MAP3K5: variants seen among roughly 807,000 people sequenced by gnomAD.
MAP3K5 encodes the protein ASK-1.
In MAP3K5, 56 loss-of-function variants were observed where a neutral mutation model predicts 158.7. The ratio of observed to expected loss-of-function variants is 0.35; its 90% CI spans 0.28 to 0.44. The LOEUF is 0.44. Among genes scored for constraint, MAP3K5 ranks in the 20% least tolerant of loss-of-function variants. The pLI is 1.00. For synonymous variants in MAP3K5, 579 were observed against 601.7 expected, an observed-to-expected ratio of 0.96 and a Z score of 0.55; for missense variants, 1,294 against 1,674.8, an observed-to-expected ratio of 0.77 and a Z score of 3.97.
intron 1 of MAP3K5, among the ~76,000 whole-genome samples, chr6:136,721,132 A>T (rs917895613): frequency 2.6e-5 from 4 of 152,044 alleles, no homozygotes; most frequent in Admixed American, 6.6e-5. Flanking sequence ...CTGGAAACCG[A>T]GGAGAATTTG....
At chr6:136,610,355 T>C (rs1776277525) in intron 18 of MAP3K5, among the ~76,000 whole-genome samples, 1 of 152,074 alleles carries the variant, frequency 6.6e-6, no homozygotes. Flanking sequence ...TCCCAGTACT[T>C]TGCACCAGAG....
chr6:136,766,801 C>T (rs1244247300), intron 1 of MAP3K5, among the ~76,000 whole-genome samples: 4 of 152,164 alleles, frequency 2.6e-5, no homozygotes, highest in African/African-American at 7.2e-5. Context: ...GATATATTCA[C>T]AGATAGGAAT....
chr6:136,567,690 G>T lies in MAP3K5; in HGVS notation c.3702C>A (p.Ser1234=), dbSNP rs375660358. Residue 1234 remains serine, a synonymous_variant, in exon 26 of 30, where the codon TCC becomes TCA. Transcript: ENST00000359015. ...CATTCAGTGACCGGTGAGCACTCTG[G>T]GAATCATGAGACACAGTAGAACTGA... is the stretch of plus-strand genomic sequence containing the variant. ...STLSSTVSHD[S]QSAHRSLNVQ... 67 of 1,613,972 alleles carry T rather than the reference G, an allele frequency of 4.2e-5. No homozygotes were observed. The highest frequency in any genetic ancestry group is 5.4e-5 in the Non-Finnish European group (64 of 1,180,014).
intron 12 of MAP3K5, among the ~76,000 whole-genome samples, chr6:136,640,968 C>CACA (rs1244179796): frequency 1.2e-4 from 19 of 152,156 alleles, no homozygotes; most frequent in African/African-American, 4.6e-4. Flanking sequence ...AGTCATAAAT[C>CACA]ACAACAACTG....
chr6:136,732,424 CAAACA>C (rs560796429), intron 1 of MAP3K5, among the ~76,000 whole-genome samples: 36 of 152,040 alleles, frequency 2.4e-4, no homozygotes, highest in African/African-American at 7.7e-4. Context: ...GGCTCCGTCT[CAAACA>C]AAACAAAACA....
chr6:136,568,985 C>T (rs1028724933), intron 25 of MAP3K5, among the ~76,000 whole-genome samples: 15 of 150,070 alleles, frequency 1.0e-4, no homozygotes, highest in African/African-American at 3.7e-4. Context: ...CCTGAAAAAA[C>T]TAGTTCAGGC....
chr6:136,650,145 C>T (rs1365184151), intron 11 of MAP3K5, among the ~76,000 whole-genome samples: 5 of 152,156 alleles, frequency 3.3e-5, no homozygotes, highest in South Asian at 2.1e-4. Flanking sequence ...GGTCTAACAC[C>T]GTGTCTGGTA....
intron 15 of MAP3K5, among the ~76,000 whole-genome samples, chr6:136,616,440 G>A (rs886413696): frequency 4.0e-5 from 6 of 151,694 alleles, no homozygotes; most frequent in Admixed American, 2.6e-4. Flanking sequence ...AAGTAGCTGG[G>A]ATTACAGGCG....
intron 14 of MAP3K5, among the ~76,000 whole-genome samples, chr6:136,628,630 A>AT (rs34318176): frequency 0.026 from 3,954 of 152,290 alleles, 162 homozygotes; most frequent in East Asian, 0.15. Flanking sequence ...TCAGAAGACT[A>AT]TTTTTTAAAA....
At chr6:136,770,510 C>T (rs940292040) in intron 1 of MAP3K5, among the ~76,000 whole-genome samples, 13 of 152,094 alleles carry the variant, frequency 8.5e-5, no homozygotes, top group Admixed American at 7.2e-4. Context: ...TCAATACAGA[C>T]GTATTACTTT....
chr6:136,615,702 G>A (rs1323220718), intron 15 of MAP3K5, among the ~76,000 whole-genome samples: 8 of 152,182 alleles, frequency 5.3e-5, no homozygotes, highest in East Asian at 1.9e-4. Flanking sequence ...GCAATTCCTC[G>A]AGATATAGAT....
chr6:136,698,700 A>G lies in MAP3K5; in HGVS notation c.613-18T>C. ...GTGCACATCTGCGGAGAGAGGAGGCATCGGCAAGTGGGGAGCTGGCCTGGA... is the reference window on the plus strand; with the variant it reads ...GTGCACATCTGCGGAGAGAGGAGGCGTCGGCAAGTGGGGAGCTGGCCTGGA... On this transcript the variant is annotated intron_variant, in intron 3 of 29. Transcript: ENST00000359015. The G allele has an allele frequency of 3.8e-6, 6 of 1,596,522 alleles. No individual in the cohort carries two copies. The highest frequency in any genetic ancestry group is 1.1e-5 in the South Asian group (1 of 90,260).
intron 25 of MAP3K5, among the ~76,000 whole-genome samples, chr6:136,579,616 T>C (rs1774777372): frequency 6.6e-6 from 1 of 152,226 alleles, no homozygotes. Context: ...TGAACCCTAA[T>C]GTGAACTATG....
intron 10 of MAP3K5, among the ~76,000 whole-genome samples, chr6:136,652,735 T>C (rs1456786075): frequency 6.6e-6 from 1 of 152,196 alleles, no homozygotes; most frequent in Non-Finnish European, 1.5e-5. Context: ...GTCATCTCAG[T>C]ATTTCTAACA....
At chr6:136,756,074 AAAT>A (rs1282064939) in intron 1 of MAP3K5, among the ~76,000 whole-genome samples, 1 of 152,118 alleles carries the variant, frequency 6.6e-6, no homozygotes, top group Non-Finnish European at 1.5e-5. Context: ...TGGGAGGCCA[AAAT>A]GGGCAGATCG....
intron 2 of MAP3K5, among the ~76,000 whole-genome samples, chr6:136,713,981 G>A (rs1781418735): frequency 6.6e-6 from 1 of 152,148 alleles, no homozygotes; most frequent in African/African-American, 2.4e-5. Flanking sequence ...ACAAGTTGAT[G>A]ATTTTTAAAA....
intron 1 of MAP3K5, among the ~76,000 whole-genome samples, chr6:136,768,930 G>C (rs1263871045): frequency 6.7e-6 from 1 of 149,606 alleles, no homozygotes; most frequent in East Asian, 1.9e-4. Flanking sequence ...AAAAAAAAAA[G>C]AAAGAAAATG....
At chr6:136,653,697 C>T (rs1290076602) in intron 10 of MAP3K5, among the ~76,000 whole-genome samples, 3 of 152,142 alleles carry the variant, frequency 2.0e-5, no homozygotes, top group Non-Finnish European at 4.4e-5. Context: ...AAAGCAGTAT[C>T]TTTACAGTTT....
chr6:136,591,271 C>T (rs1775373341), intron 23 of MAP3K5, among the ~76,000 whole-genome samples: 2 of 152,274 alleles, frequency 1.3e-5, no homozygotes, highest in South Asian at 4.1e-4. Flanking sequence ...TCCTCCGCAT[C>T]CCAAGGATGT....
Sources: gnomAD v4.1 joint callset for allele counts (sites outside exome capture counted in the v4.1 genomes callset) on GRCh38, gnomAD v4.1.1 for gene constraint, MANE v1.5 for transcripts, NCBI Gene and HGNC (gene_info 2026-07-23, HGNC 2026-07-21) for gene names.